The following FMO1 variants were observed in gnomAD, a reference collection of about 807,000 sequenced individuals.
FMO1 encodes the protein flavin-containing monooxygenase 1.
Under a neutral mutation model 45.4 loss-of-function variants are expected in FMO1, and 36 were observed. That is an observed-to-expected ratio of 0.79 (90% CI 0.61 to 1.05). The LOEUF is 1.05. Ranked by LOEUF, FMO1 falls within the 50% of genes least tolerant of loss-of-function variation. FMO1 has a pLI of 0.00. For synonymous variants in FMO1, 228 were observed against 227.2 expected, an observed-to-expected ratio of 1.00 and a Z score of -0.03; for missense variants, 615 against 640.3, an observed-to-expected ratio of 0.96 and a Z score of 0.43.
Position 171,267,715 on chromosome 1 carries a change from AAC to A in FMO1, c.309_310del (p.Ile104SerfsTer28). The A allele has an allele frequency of 6.2e-7, 1 of 1,609,930 alleles. No homozygotes were observed. The highest frequency in any genetic ancestry group is 1.1e-5 in the South Asian group (1 of 90,098). On this transcript the variant is annotated frameshift_variant, in exon 3 of 9. Transcript: ENST00000617670. LOFTEE classifies it high-confidence loss of function. ...TATGCAAACCACTTTGACCTTCTGAAACACATTCAATTCAAGGTAAGACACAA... is the reference window on the plus strand; with the variant it reads ...TATGCAAACCACTTTGACCTTCTGAAACATTCAATTCAAGGTAAGACACAA...
rs1162112741 is a variant in FMO1, at chr1:171,280,925, T to C, written c.767T>C (p.Met256Thr). 2 of 1,613,958 alleles carry C rather than the reference T, an allele frequency of 1.2e-6. No individual in the cohort carries two copies. Among genetic ancestry groups the C allele is most frequent in the Admixed American group, 1.7e-5 (1 of 60,000 alleles). ...SLPTPIVTWLMERKINNWLNH... is the reference protein window; with the variant it reads ...SLPTPIVTWLTERKINNWLNH... ...CCAACCCCAATTGTGACTTGGTTGA[T>C]GGAGCGAAAGATAAACAACTGGCTC... Residue 256 changes from methionine (M) to threonine (T), a missense_variant, in exon 6 of 9, where the codon ATG becomes ACG. Met to Thr is a moderately conservative substitution (Grantham distance 81). Transcript: ENST00000617670.
intron 3 of FMO1, chr1:171,270,478 A>G: frequency 1.4e-6 from 1 of 703,756 alleles, no homozygotes; most frequent in South Asian, 6.4e-5. Flanking sequence ...TTTCAGACCT[A>G]TGAAAAGGAC....
At chr1:171,266,539 T>A (rs1660625937) in intron 2 of FMO1, among the ~76,000 whole-genome samples, 1 of 152,228 alleles carries the variant, frequency 6.6e-6, no homozygotes, top group South Asian at 2.1e-4. Flanking sequence ...TAACATTAAT[T>A]TAAACCACAG....
chr1:171,266,434 T>C (rs186079145), intron 2 of FMO1, among the ~76,000 whole-genome samples: 1 of 152,342 alleles, frequency 6.6e-6, no homozygotes, highest in East Asian at 1.9e-4. Flanking sequence ...AAGATTTAAA[T>C]AGTCATCTTT....
At chr1:171,264,127 G>A (rs1378336589) in intron 2 of FMO1, among the ~76,000 whole-genome samples, 2 of 152,000 alleles carry the variant, frequency 1.3e-5, no homozygotes, top group Non-Finnish European at 2.9e-5. Context: ...TCCTGGAAGC[G>A]CTTCATCTTT....
chr1:171,269,241 G>C (rs2101819343), intron 3 of FMO1, among the ~76,000 whole-genome samples: 1 of 152,230 alleles, frequency 6.6e-6, no homozygotes, highest in Non-Finnish European at 1.5e-5. Context: ...TTGGAACTGT[G>C]GAAACGTCAG....
chr1:171,280,559 A>G (rs1246061734), intron 5 of FMO1, among the ~76,000 whole-genome samples: 2 of 152,198 alleles, frequency 1.3e-5, no homozygotes, highest in African/African-American at 4.8e-5. Flanking sequence ...AGTATTCAAT[A>G]ATATGTCTTA....
intron 3 of FMO1, among the ~76,000 whole-genome samples, chr1:171,268,938 G>GT (rs1331058931): frequency 3.9e-5 from 6 of 152,184 alleles, no homozygotes; most frequent in African/African-American, 1.2e-4. Flanking sequence ...TCTCCTGATA[G>GT]TGAATAAGTC....
chr1:171,278,031 C>T (rs192437180), intron 4 of FMO1, among the ~76,000 whole-genome samples: 20 of 152,310 alleles, frequency 1.3e-4, no homozygotes, highest in African/African-American at 4.6e-4. Flanking sequence ...TTCAAACCTT[C>T]TCCATTCATG....
At chr1:171,283,265 TAAAAAAAAAAAAAAAAAAAAAA>T (rs35331306) in intron 8 of FMO1, 49 bp downstream of exon 8, 20 of 74,720 alleles carry the variant, frequency 2.7e-4, no homozygotes, top group Non-Finnish European at 4.5e-4. Flanking sequence ...CTGAAATTGG[TAAAAAAAAAAAAAAAAAAAAAA>T]AAAAAAAAAA....
At chr1:171,260,037 A>G (rs758476575) in intron 2 of FMO1, among the ~76,000 whole-genome samples, 2 of 152,226 alleles carry the variant, frequency 1.3e-5, no homozygotes, top group Non-Finnish European at 2.9e-5. Flanking sequence ...ATGGACTTTG[A>G]AAAATTTCAA....
chr1:171,271,532 A>C, intron 3 of FMO1: 1 of 840,962 alleles, frequency 1.2e-6, no homozygotes, highest in South Asian at 1.3e-5. Flanking sequence ...AAGTTTGCAC[A>C]AAAAATGCAT....
chr1:171,274,922 A>G (rs576291808), intron 3 of FMO1, among the ~76,000 whole-genome samples: 1 of 152,338 alleles, frequency 6.6e-6, no homozygotes, highest in South Asian at 2.1e-4. Context: ...ATAAAACCTC[A>G]TAAGCTAATA....
At chr1:171,267,752 T>G in intron 3 of FMO1, 21 bp downstream of exon 3, 1 of 1,574,664 alleles carries the variant, frequency 6.4e-7, no homozygotes, top group Non-Finnish European at 8.7e-7. Context: ...AAACATCAGT[T>G]AGTAGTCAGA....
intron 1 of FMO1, among the ~76,000 whole-genome samples, chr1:171,256,792 A>G (rs1011480704): frequency 6.6e-6 from 1 of 152,222 alleles, no homozygotes; most frequent in African/African-American, 2.4e-5. Flanking sequence ...CTTTGAGAAG[A>G]GAATTCACCT....
chr1:171,267,626 T>C lies in FMO1; in HGVS notation c.216T>C (p.Phe72=). Residue 72 remains phenylalanine, a synonymous_variant, in exon 3 of 9, where the codon TTT becomes TTC. Coordinates refer to ENST00000617670, the MANE Select transcript of FMO1 (RefSeq NM_001282693.2). The part of the protein sequence containing the change: ...SCKEMSCYSD[F]PFPEDYPNYV... ...AGGAGATGTCTTGTTACTCAGACTTTCCATTCCCAGAAGATTATCCAAACT... is the reference window on the plus strand; with the variant it reads ...AGGAGATGTCTTGTTACTCAGACTTCCCATTCCCAGAAGATTATCCAAACT... 1.2e-6 allele frequency: 2 copies of C among 1,614,040 alleles called. No homozygotes were observed. Among genetic ancestry groups the C allele is most frequent in the Non-Finnish European group, 1.7e-6 (2 of 1,179,868 alleles).
intron 2 of FMO1, among the ~76,000 whole-genome samples, chr1:171,259,095 A>G (rs1180654908): frequency 6.6e-6 from 1 of 152,222 alleles, no homozygotes; most frequent in Admixed American, 6.5e-5. Context: ...AAGCTGTCAG[A>G]AAGAGTGAAA....
chr1:171,282,322 G>T lies in FMO1; in HGVS notation c.1172G>T (p.Arg391Leu). ...TGETQARWAV[R>L]VLKGVNKLPP... ...GAAACACAAGCTCGGTGGGCTGTTC[G>T]AGTCCTGAAAGGTAAGTATAAGAAA... Residue 391 changes from arginine (R) to leucine (L), a missense_variant, in exon 7 of 9, where the codon CGA (arginine) becomes CTA (leucine). Transcript: ENST00000617670. 6 of 1,608,572 alleles carry T rather than the reference G, an allele frequency of 3.7e-6. No homozygotes were observed. The highest frequency in any genetic ancestry group is 5.1e-6 in the Non-Finnish European group (6 of 1,176,266).
In FMO1 at chr1:171,285,823, T is replaced by A; in HGVS notation, c.*279T>A. On this transcript the variant is annotated 3_prime_UTR_variant, in exon 9 of 9. Transcript: ENST00000617670. ...AAGAAAGCTGTTCTTGACAGCACTC[T>A]GAGCCATCATACCTCTTTCCCATAT... 1 of 274,900 alleles carries A rather than the reference T, an allele frequency of 3.6e-6. No homozygotes were observed. Among genetic ancestry groups the A allele is most frequent in the East Asian group, 6.2e-5 (1 of 16,164 alleles). The allele number at this position is 274,900 out of a possible 1,614,324, so 17.0% of individuals were successfully genotyped here. A position where few individuals can be genotyped will look rare whatever the true frequency, so the allele number is the denominator to read the frequency against.
Sources: gnomAD v4.1 joint callset for allele counts (sites outside exome capture counted in the v4.1 genomes callset) on GRCh38, gnomAD v4.1.1 for gene constraint, MANE v1.5 for transcripts, NCBI Gene and HGNC (gene_info 2026-07-23, HGNC 2026-07-21) for gene names.